Variants in CTPS2 observed in about 807,000 individuals in gnomAD.
CTPS2 encodes CTP synthase II.
A neutral mutation model predicts 46.8 loss-of-function variants in CTPS2; 19 were observed. That is an observed-to-expected ratio of 0.41 (90% CI 0.28 to 0.60). CTPS2 has a LOEUF of 0.60. Ranked by LOEUF, CTPS2 falls within the 20% of genes least tolerant of loss-of-function variation. The pLI, the probability that CTPS2 is intolerant of heterozygous loss-of-function variation, is 0.35. For missense variants in CTPS2, 286 were observed against 447.6 expected (o/e 0.64, Z 3.26); for synonymous variants, 151 against 165.2 (o/e 0.91, Z 0.66).
At chrX:16,599,612 G>C (rs1929527238) in intron 17 of CTPS2, among the ~76,000 whole-genome samples, 1 of 109,066 alleles carries the variant, frequency 9.2e-6, no homozygotes, top group African/African-American at 3.3e-5. Context: ...GAGTAGCTGG[G>C]ATTACAGGCA....
chrX:16,627,116 G>A lies in CTPS2; in HGVS notation c.1394-6784C>T, dbSNP rs141722116. 3.4e-3 allele frequency: 388 copies of A among 113,259 alleles called. 1 individual carries two copies. Among genetic ancestry groups the A allele is most frequent in the African/African-American group, 0.012 (360 of 30,908 alleles). 9.3% of individuals were successfully genotyped at this position (113,259 alleles called of 1,213,427 possible). A position where few individuals can be genotyped will look rare whatever the true frequency, so the allele number is the denominator to read the frequency against. On this transcript the variant is annotated intron_variant, in intron 14 of 18. Coordinates refer to ENST00000359276, the MANE Select transcript of CTPS2 (RefSeq NM_175859.3). ...AAAAAGTAAAACCACTACCTGCTGG[G>A]CTTCATTACCTCTTTTCTTGGTAGA...
At chrX:16,662,012 A>ATATATATG (rs1555967619) in intron 13 of CTPS2, among the ~76,000 whole-genome samples, 11 of 105,393 alleles carry the variant, frequency 1.0e-4, no homozygotes, top group Non-Finnish European at 2.1e-4. Context: ...ATATATATAT[A>ATATATATG]TGCCTCAAAA....
At chrX:16,684,687 A>C (rs1435518737) in intron 8 of CTPS2, among the ~76,000 whole-genome samples, 1 of 111,507 alleles carries the variant, frequency 9.0e-6, no homozygotes, top group Non-Finnish European at 1.9e-5. Flanking sequence ...AAGGTCACTA[A>C]AAGGTGACTA....
intron 13 of CTPS2, among the ~76,000 whole-genome samples, chrX:16,667,287 C>T (rs1470919017): frequency 1.8e-5 from 2 of 110,006 alleles, no homozygotes; most frequent in African/African-American, 3.3e-5. Context: ...CATCTGCCAC[C>T]ACAGCCAGCT....
intron 13 of CTPS2, among the ~76,000 whole-genome samples, chrX:16,653,971 T>A (rs927959901): frequency 9.0e-6 from 1 of 111,044 alleles, no homozygotes; most frequent in African/African-American, 3.3e-5. Context: ...CTGCCTCATG[T>A]AATATGTCAG....
At chrX:16,705,471 T>G (rs1924922431) in intron 1 of CTPS2, among the ~76,000 whole-genome samples, 1 of 112,060 alleles carries the variant, frequency 8.9e-6, no homozygotes, top group African/African-American at 3.2e-5. Flanking sequence ...AGGGCTTAAC[T>G]GAAATTCATT....
At chrX:16,709,846 T>A (rs2147400790) in intron 1 of CTPS2, among the ~76,000 whole-genome samples, 2 of 22,463 alleles carry the variant, frequency 8.9e-5, no homozygotes, top group South Asian at 3.6e-3. Context: ...AGACTCTGTC[T>A]CCAAAAAAAA....
At chrX:16,664,883 C>T (rs1358817278) in intron 13 of CTPS2, among the ~76,000 whole-genome samples, 3 of 111,767 alleles carry the variant, frequency 2.7e-5, no homozygotes, top group Non-Finnish European at 5.6e-5. Context: ...GCCGATAGCA[C>T]AGATTATATA....
At chrX:16,685,417 C>T (rs183545239) in intron 8 of CTPS2, among the ~76,000 whole-genome samples, 1 of 111,038 alleles carries the variant, frequency 9.0e-6, no homozygotes, top group East Asian at 2.9e-4. Flanking sequence ...CCTGTACTTC[C>T]GAGAGCAACC....
chrX:16,680,680 CT>C (rs915389615), intron 9 of CTPS2, among the ~76,000 whole-genome samples: 2 of 110,351 alleles, frequency 1.8e-5, no homozygotes, highest in Admixed American at 9.7e-5. Context: ...TTGCCATTTT[CT>C]TTTTTTTACA....
At chrX:16,694,669 A>G (rs1923975907) in intron 4 of CTPS2, among the ~76,000 whole-genome samples, 1 of 112,356 alleles carries the variant, frequency 8.9e-6, no homozygotes, top group Non-Finnish European at 1.9e-5. Flanking sequence ...AGCCCTAAGG[A>G]ACAGTGTTCT....
At chrX:16,658,412 T>C (rs73630561) in intron 13 of CTPS2, among the ~76,000 whole-genome samples, 87 of 112,188 alleles carry the variant, frequency 7.8e-4, no homozygotes, top group African/African-American at 2.8e-3. Context: ...TATTTCCCCA[T>C]TGTGGGGCAT....
At chrX:16,603,470 A>G (rs1929794002) in intron 17 of CTPS2, among the ~76,000 whole-genome samples, 1 of 102,618 alleles carries the variant, frequency 9.7e-6, no homozygotes, top group African/African-American at 3.5e-5. Context: ...ACCAAAATGG[A>G]GAAAAATGTT....
chrX:16,674,798 A>G lies in CTPS2; in HGVS notation c.1094+3564T>C, dbSNP rs774244525. 2.3e-3 allele frequency among the ~76,000 whole-genome samples: 251 copies of G among 107,136 alleles called. 1 individual carries two copies. Among genetic ancestry groups the G allele is most frequent in the African/African-American group, 8.1e-3 (236 of 29,099 alleles). The allele number at this position is 107,136 out of a possible 115,157, so 93.0% of individuals were successfully genotyped here. ...GCTTGCAGTGAGCAGAGATTGCGCCACTGCACTCCAGCCTGGGCAACAAGG... is the reference window on the plus strand; with the variant it reads ...GCTTGCAGTGAGCAGAGATTGCGCCGCTGCACTCCAGCCTGGGCAACAAGG... On this transcript the variant is annotated intron_variant, in intron 10 of 18. Transcript: ENST00000359276.
chrX:16,694,449 C>T (rs1188571591), intron 4 of CTPS2, among the ~76,000 whole-genome samples: 1 of 111,732 alleles, frequency 8.9e-6, no homozygotes, highest in Non-Finnish European at 1.9e-5. Flanking sequence ...CCTAAAGCAG[C>T]CTATATCCCA....
chrX:16,703,675 A>T (rs2147384951), intron 1 of CTPS2, among the ~76,000 whole-genome samples: 1 of 111,643 alleles, frequency 9.0e-6, no homozygotes, highest in African/African-American at 3.2e-5. Context: ...GTCCAAACTA[A>T]ATACTTGAAT....
chrX:16,682,031 A>T (rs919957003), intron 9 of CTPS2, among the ~76,000 whole-genome samples: 2 of 112,203 alleles, frequency 1.8e-5, no homozygotes, highest in Admixed American at 9.5e-5. Flanking sequence ...ATAGTATTTT[A>T]AAAAATCTAG....
At chrX:16,698,891 C>A in intron 3 of CTPS2, 32 bp downstream of exon 3, 1 of 1,164,548 alleles carries the variant, frequency 8.6e-7, no homozygotes, top group Non-Finnish European at 1.2e-6. Context: ...ATTCAGCACA[C>A]AGGGCTCCAT....
intron 14 of CTPS2, among the ~76,000 whole-genome samples, chrX:16,635,020 T>C (rs1366214239): frequency 9.0e-6 from 1 of 111,013 alleles, no homozygotes; most frequent in Non-Finnish European, 1.9e-5. Context: ...ATCTTTAGGC[T>C]GTGACCCTAT....
Sources: gnomAD v4.1 joint callset for allele counts (sites outside exome capture counted in the v4.1 genomes callset) on GRCh38, gnomAD v4.1.1 for gene constraint, MANE v1.5 for transcripts, NCBI Gene and HGNC (gene_info 2026-07-23, HGNC 2026-07-21) for gene names.